The following TPR variants were observed in gnomAD, a reference collection of about 807,000 sequenced individuals.
TPR encodes the protein nucleoprotein TPR.
TPR carries 51 observed loss-of-function variants against 316.1 expected under a neutral mutation model. That is an observed-to-expected ratio of 0.16 (90% CI 0.13 to 0.20). The LOEUF (loss-of-function observed/expected upper bound fraction) is 0.20, where lower values mean the gene tolerates loss of function less well. TPR is among the 10% of genes least tolerant of loss of function. The pLI, the probability that TPR is intolerant of heterozygous loss-of-function variation, is 1.00. For synonymous variants in TPR, 981 were observed against 914.7 expected, an observed-to-expected ratio of 1.07 and a Z score of -1.31; for missense variants, 2,272 against 2,754.8, an observed-to-expected ratio of 0.82 and a Z score of 3.92.
At chr1:186,348,435 A>G (rs1029395497) in intron 21 of TPR, among the ~76,000 whole-genome samples, 9 of 152,162 alleles carry the variant, frequency 5.9e-5, no homozygotes, top group African/African-American at 2.2e-4. Flanking sequence ...GTTTATCAAG[A>G]CAATACATGC....
chr1:186,343,788 A>C, intron 26 of TPR, 118 bp downstream of exon 26: 1 of 1,012,566 alleles, frequency 9.9e-7, no homozygotes, highest in Non-Finnish European at 1.4e-6. Flanking sequence ...TCTTTGACAA[A>C]TAAAAGAATG....
intron 38 of TPR, 58 bp downstream of exon 38, chr1:186,332,137 A>G (rs943990204): frequency 1.3e-6 from 2 of 1,528,298 alleles, no homozygotes; most frequent in African/African-American, 2.8e-5. Context: ...CTGTAGCTGA[A>G]AAGAGTACCT....
chr1:186,364,719 C>A (rs531427210), intron 4 of TPR, among the ~76,000 whole-genome samples: 4 of 152,288 alleles, frequency 2.6e-5, no homozygotes, highest in African/African-American at 9.6e-5. Context: ...CAAGAAACAG[C>A]AGATGCTGCT....
chr1:186,334,266 C>T (rs1658272822), intron 36 of TPR, 59 bp downstream of exon 36: 4 of 1,460,422 alleles, frequency 2.7e-6, no homozygotes, highest in African/African-American at 1.4e-5. Flanking sequence ...AAATTACTGT[C>T]ATCTTCTCAT....
At chr1:186,356,197 CATT>C (rs1013026832) in intron 15 of TPR, 86 bp downstream of exon 15, 1 of 1,174,440 alleles carries the variant, frequency 8.5e-7, no homozygotes, top group African/African-American at 1.5e-5. Context: ...AAGCTACCAT[CATT>C]AGAGTGGCTA....
rs753548090 is a variant in TPR at position 186,343,348 on chromosome 1, T to C, written c.3728A>G (p.Asn1243Ser). 12 of 1,613,720 alleles carry C rather than the reference T, an allele frequency of 7.4e-6. No individual in the cohort carries two copies. The East Asian group carries it at 2.7e-4, about 36-fold the overall frequency. Residue 1243 changes from asparagine (N) to serine (S), a missense_variant, in exon 27 of 51, where the codon AAT (asparagine) becomes AGT (serine). Asn to Ser is a conservative substitution (Grantham distance 46, BLOSUM62 1). Transcript: ENST00000367478. ...RELQELQDSL[N>S]AEREKVQVTA... Reference sequence around the variant, plus strand: ...TACCTGGACTTTCTCCCTTTCAGCATTTAGACTATCTTGCAGTTCCTGCAG... The same window carrying C: ...TACCTGGACTTTCTCCCTTTCAGCACTTAGACTATCTTGCAGTTCCTGCAG...
chr1:186,358,809 T>A (rs1303645386), intron 12 of TPR, among the ~76,000 whole-genome samples, 159 bp from the exon 13 acceptor site: 1 of 152,158 alleles, frequency 6.6e-6, no homozygotes, highest in Non-Finnish European at 1.5e-5. Flanking sequence ...TTTGTATAAA[T>A]TTGAATATGT....
At chr1:186,353,592 A>T (rs1658937717) in intron 18 of TPR, 96 bp downstream of exon 18, 3 of 1,389,230 alleles carry the variant, frequency 2.2e-6, no homozygotes, top group Non-Finnish European at 2.9e-6. Context: ...CTTCTTAAAT[A>T]CCTAAGTCCT....
In TPR at chr1:186,323,764, T is replaced by G. The variant is rs764474054; in HGVS notation, c.6219A>C (p.Ser2073=). The change falls in exon 43 of 51, where the codon TCA becomes TCC. Residue 2073 remains serine (S), a synonymous_variant. Transcript: ENST00000367478. The part of the protein sequence containing the change: ...SERQAPRAPQ[S]PRRPPHPLPP... ...GAAGTGGATGTGGTGGGCGTCTCGG[T>G]GACTGAGGTGCTCGAGGGGCCTGTC... 6.5e-7 allele frequency: 1 copy of G among 1,541,776 alleles called. No homozygotes were observed. Among genetic ancestry groups the G allele is most frequent in the Non-Finnish European group, 8.7e-7 (1 of 1,154,586 alleles).
rs200903189 is a variant in TPR, at chr1:186,333,233, T to C, written c.5344A>G (p.Ser1782Gly). ...ATAFVQPTQQ[S>G]HPQIEPANQE... ...TTGGCAGGCTCAATCTGAGGATGAC[T>C]CTGTTGAGTGGGTTGCACAAAAGCT... Residue 1782 changes from serine to glycine, a missense_variant, in exon 37 of 51, where the codon AGT becomes GGT. Coordinates refer to ENST00000367478, the MANE Select transcript of TPR (RefSeq NM_003292.3). 11 of 1,613,594 alleles carry C rather than the reference T, an allele frequency of 6.8e-6. No homozygotes were observed. The East Asian group carries it at 2.2e-4, about 33-fold the overall frequency.
chr1:186,363,508 A>AAAATATATTCCTAG, intron 4 of TPR, 63 bp from the exon 5 acceptor site: 2 of 1,113,962 alleles, frequency 1.8e-6, no homozygotes, highest in South Asian at 1.3e-5. Flanking sequence ...CCAAATATCA[A>AAAATATATTCCTAG]AAATATATTT....
rs1456126130 is a variant in TPR, at chr1:186,352,037, T to A, written c.2408A>T (p.Glu803Val). Residue 803 changes from glutamate to valine, a missense_variant, in exon 19 of 51, where the codon GAG becomes GTG. Coordinates refer to ENST00000367478, the MANE Select transcript of TPR (RefSeq NM_003292.3). ...CCCCCTTTGTTCAGCTAACAAAGAC[T>A]CTCTTTGCTGAGAAAGACGAACTTC... ...LSEVRLSQQR[E>V]SLLAEQRGQN... 6.2e-7 allele frequency: 1 copy of A among 1,610,362 alleles called. No individual in the cohort carries two copies. Among genetic ancestry groups the A allele is most frequent in the East Asian group, 2.2e-5 (1 of 44,618 alleles).
chr1:186,345,672 A>G lies in TPR; in HGVS notation c.3121T>C (p.Ser1041Pro). The G allele has an allele frequency of 4.3e-6, 7 of 1,612,218 alleles. No individual in the cohort carries two copies. The highest frequency in any genetic ancestry group is 5.9e-6 in the Non-Finnish European group (7 of 1,179,114). ...QQLSELKKTLSSVQNEVQEAL... is the reference protein window; with the variant it reads ...QQLSELKKTLPSVQNEVQEAL... ...TCTTGTACTTCATTCTGAACACTAG[A>G]AAGTGTTTTCTTCAATTCAGATAAC... Residue 1041 changes from serine to proline, a missense_variant, in exon 24 of 51, where the codon TCT (serine) becomes CCT (proline). Physicochemically the swap from Ser to Pro is moderately conservative, Grantham distance 74. This residue lies in a region of TPR where 757 missense variants were observed against 859.8 expected (regional missense o/e 0.88). Transcript: ENST00000367478.
Position 186,343,527 on chromosome 1 carries a change from CA to C in TPR, c.3603-55del. The C allele has an allele frequency of 3.9e-6, 6 of 1,543,516 alleles. No homozygotes were observed. In the South Asian group the frequency reaches 4.8e-5, roughly 12 times the overall value. ...TGTGAATTTTAAAAAGCCAACATTA[CA>C]AAACGTAGGTAATTTGGTAAGATGA... On this transcript the variant is annotated intron_variant, in intron 26 of 50. Coordinates refer to ENST00000367478, the MANE Select transcript of TPR (RefSeq NM_003292.3).
intron 27 of TPR, 63 bp downstream of exon 27, chr1:186,343,263 A>G: frequency 6.5e-7 from 1 of 1,539,700 alleles, no homozygotes. Context: ...TAAATGGTAG[A>G]GATATAAATG....
At position 186,313,392 on chromosome 1, in the gene TPR, C is replaced by T; in HGVS notation, c.*579G>A. On this transcript the variant is annotated 3_prime_UTR_variant, in exon 51 of 51. Transcript: ENST00000367478. Reference sequence around the variant, plus strand: ...ATGTATTTTTTAAAAGGAATAACCCCAAGTAAATTATTTTTCAAACTTGGT... The same window carrying T: ...ATGTATTTTTTAAAAGGAATAACCCTAAGTAAATTATTTTTCAAACTTGGT... The T allele has an allele frequency of 2.7e-6, 1 of 372,342 alleles. No homozygotes were observed. Among genetic ancestry groups the T allele is most frequent in the Non-Finnish European group, 4.9e-6 (1 of 205,064 alleles). 23.1% of individuals were successfully genotyped at this position (372,342 alleles called of 1,614,324 possible).
intron 2 of TPR, among the ~76,000 whole-genome samples, 162 bp downstream of exon 2, chr1:186,373,197 C>T (rs913457691): frequency 6.6e-6 from 1 of 152,178 alleles, no homozygotes; most frequent in Non-Finnish European, 1.5e-5. Context: ...CTCACAAAAT[C>T]TTTACCACTA....
chr1:186,314,349 A>G (rs919129862), intron 50 of TPR: 5 of 354,294 alleles, frequency 1.4e-5, no homozygotes, highest in Admixed American at 4.3e-5. Flanking sequence ...ACAAATGAAT[A>G]TAACACTATA....
intron 26 of TPR, 33 bp downstream of exon 26, chr1:186,343,873 C>T: frequency 1.3e-6 from 2 of 1,553,414 alleles, no homozygotes; most frequent in Non-Finnish European, 1.8e-6. Flanking sequence ...AGTTGTTATA[C>T]CACAGAAATG....
Sources: gnomAD v4.1 joint callset for allele counts (sites outside exome capture counted in the v4.1 genomes callset) on GRCh38, gnomAD v4.1.1 for gene constraint, gnomAD v4.1.1 regional missense constraint, MANE v1.5 for transcripts, NCBI Gene and HGNC (gene_info 2026-07-23, HGNC 2026-07-21) for gene names.